The following SYTL2 variants were observed in gnomAD, a reference collection of about 807,000 sequenced individuals.
The protein encoded by SYTL2 is synaptotagmin-like protein 2.
SYTL2 carries 165 observed loss-of-function variants against 198.7 expected under a neutral mutation model. The ratio of observed to expected loss-of-function variants is 0.83; its 90% confidence interval spans 0.73 to 0.94. SYTL2 has a LOEUF of 0.94. Among genes scored for constraint, SYTL2 ranks in the 40% least tolerant of loss-of-function variants. The probability of loss-of-function intolerance (pLI) is 0.00; values close to 1 mark genes in which losing one functional copy is unlikely to be tolerated. For missense variants in SYTL2, 2,835 were observed against 2,582.8 expected, an observed-to-expected ratio of 1.10 and a Z score of -2.12; for synonymous variants, 966 against 917.7, an observed-to-expected ratio of 1.05 and a Z score of -0.95.
At chr11:85,817,862 CCT>C in the SYTL2 span, among the ~76,000 whole-genome samples, 2 of 151,170 alleles carry the variant, frequency 1.3e-5, no homozygotes, top group East Asian at 1.9e-4. Context: ...GTTTTTATCC[CCT>C]GTTTATTTTC....
At chr11:85,807,381 C>T (rs1247332930) in intron 1 of SYTL2, among the ~76,000 whole-genome samples, 1 of 152,184 alleles carries the variant, frequency 6.6e-6, no homozygotes, top group African/African-American at 2.4e-5. Flanking sequence ...GTTTTATTGC[C>T]TCTATGTTTA....
the SYTL2 span, among the ~76,000 whole-genome samples, chr11:85,841,169 A>G: frequency 6.6e-6 from 1 of 152,184 alleles, no homozygotes; most frequent in Non-Finnish European, 1.5e-5. Context: ...AAAGTCAAAA[A>G]ATAGATGCTA....
At chr11:85,722,868 G>A (rs1000058070) in intron 8 of SYTL2, among the ~76,000 whole-genome samples, 2 of 151,936 alleles carry the variant, frequency 1.3e-5, no homozygotes, top group African/African-American at 2.4e-5. Context: ...GATTAAAGGT[G>A]GATTCTTTGG....
At chr11:85,808,677 A>T (rs2092992388) in intron 1 of SYTL2, among the ~76,000 whole-genome samples, 1 of 152,176 alleles carries the variant, frequency 6.6e-6, no homozygotes, top group African/African-American at 2.4e-5. Flanking sequence ...TGAAGAAAAA[A>T]CTTTATATTT....
At chr11:85,728,714 G>T (rs2089496061) in intron 7 of SYTL2, among the ~76,000 whole-genome samples, 1 of 152,118 alleles carries the variant, frequency 6.6e-6, no homozygotes, top group African/African-American at 2.4e-5. Context: ...AAACCCTAGA[G>T]GGGGCTTAAA....
At chr11:85,834,384 C>T in the SYTL2 span, among the ~76,000 whole-genome samples, 1 of 152,062 alleles carries the variant, frequency 6.6e-6, no homozygotes, top group East Asian at 1.9e-4. Context: ...TCAAATCTGT[C>T]CATCCTTTTT....
intron 1 of SYTL2, among the ~76,000 whole-genome samples, chr11:85,788,775 TA>T (rs144242580): frequency 2.9e-4 from 42 of 146,604 alleles, no homozygotes; most frequent in African/African-American, 6.0e-4. Flanking sequence ...TCTATAATTA[TA>T]AAAAAAAAAG....
At chr11:85,769,395 G>A (rs1433398748) in intron 1 of SYTL2, among the ~76,000 whole-genome samples, 1 of 152,154 alleles carries the variant, frequency 6.6e-6, no homozygotes. Flanking sequence ...ATGGAGGAAG[G>A]GGCCATGAGC....
At chr11:85,730,709 C>G (rs1168464104) in intron 7 of SYTL2, among the ~76,000 whole-genome samples, 1 of 152,142 alleles carries the variant, frequency 6.6e-6, no homozygotes, top group Admixed American at 6.5e-5. Flanking sequence ...TCTCTCACCA[C>G]TCCTATTCAA....
chr11:85,698,082 C>T lies in SYTL2; in HGVS notation c.6269-4G>A. Reference sequence around the variant, plus strand: ...CCAGTTGTAGGAAGCTTTTTACCTACAATAGAAAAAGAAGAGAAAATTTTC... The same window carrying T: ...CCAGTTGTAGGAAGCTTTTTACCTATAATAGAAAAAGAAGAGAAAATTTTC... On this transcript the variant is annotated splice_polypyrimidine_tract_variant and splice_region_variant and intron_variant, in intron 17 of 19. Transcript: ENST00000359152. 1 of 1,607,578 alleles carries T rather than the reference C, an allele frequency of 6.2e-7. No individual in the cohort carries two copies. Among genetic ancestry groups the T allele is most frequent in the Non-Finnish European group, 8.5e-7 (1 of 1,175,214 alleles).
At chr11:85,770,991 TC>T (rs1470634218) in intron 1 of SYTL2, among the ~76,000 whole-genome samples, 1 of 152,240 alleles carries the variant, frequency 6.6e-6, no homozygotes, top group Non-Finnish European at 1.5e-5. Flanking sequence ...ATCATACCTA[TC>T]TTACTGAGTT....
At chr11:85,711,766 T>TA (rs1412604423) in intron 12 of SYTL2, among the ~76,000 whole-genome samples, 8 of 151,940 alleles carry the variant, frequency 5.3e-5, no homozygotes, top group Admixed American at 5.2e-4. Context: ...TATATATATA[T>TA]TTTTTAATGT....
rs932910026 is a variant in SYTL2 at position 85,695,540 on chromosome 11, C to A, written c.6575-200G>T. ...CATGTTTGTAATCATTACCATAATTCCTAGAGCAATGATTTTTCTTCAAGT... is the reference window on the plus strand; with the variant it reads ...CATGTTTGTAATCATTACCATAATTACTAGAGCAATGATTTTTCTTCAAGT... On this transcript the variant is annotated intron_variant, in intron 19 of 19. Transcript: ENST00000359152. Among the ~76,000 whole-genome samples, 3 of 152,098 alleles carry A rather than the reference C, an allele frequency of 2.0e-5. No individual in the cohort carries two copies. In the South Asian group the frequency reaches 6.2e-4, roughly 32 times the overall value.
chr11:85,837,734 G>A, the SYTL2 span, among the ~76,000 whole-genome samples: 5 of 152,088 alleles, frequency 3.3e-5, no homozygotes, highest in Non-Finnish European at 5.9e-5. Flanking sequence ...ATAATGACTA[G>A]TCCTCCCTCA....
the SYTL2 span, among the ~76,000 whole-genome samples, chr11:85,819,543 T>C: frequency 6.6e-6 from 1 of 152,248 alleles, no homozygotes; most frequent in Non-Finnish European, 1.5e-5. Flanking sequence ...GCTTTTCACA[T>C]GGCTGCTGGA....
At chr11:85,840,508 T>C in the SYTL2 span, among the ~76,000 whole-genome samples, 3 of 152,170 alleles carry the variant, frequency 2.0e-5, no homozygotes, top group Non-Finnish European at 4.4e-5. Context: ...CAAAACAGCA[T>C]GGTACTGGTA....
intron 16 of SYTL2, among the ~76,000 whole-genome samples, chr11:85,702,893 C>T (rs1295859772): frequency 1.3e-5 from 2 of 152,106 alleles, no homozygotes; most frequent in East Asian, 3.8e-4. Flanking sequence ...AATAACTTTG[C>T]ATGCTATATT....
Position 85,724,255 on chromosome 11 carries a change from A to T in SYTL2, c.5103T>A (p.Pro1701=). The T allele has an allele frequency of 6.4e-7, 1 of 1,564,404 alleles. No individual in the cohort carries two copies. Among genetic ancestry groups the T allele is most frequent in the Non-Finnish European group, 8.6e-7 (1 of 1,161,542 alleles). ...TTGCTTCAGAAGCCTCTCCAAAGCCAGGTTCCTGAAGAGTCCCTTGTCCCC... is the reference window on the plus strand; with the variant it reads ...TTGCTTCAGAAGCCTCTCCAAAGCCTGGTTCCTGAAGAGTCCCTTGTCCCC... ...VAGGQGTLQE[P]GFGEASEAIS... Residue 1701 remains proline, a synonymous_variant, in exon 8 of 20, where the codon CCT becomes CCA. Coordinates refer to ENST00000359152, the MANE Select transcript of SYTL2 (RefSeq NM_206927.4).
chr11:85,737,749 G>C (rs1224441425), intron 4 of SYTL2, 93 bp from the exon 5 acceptor site: 2 of 1,000,438 alleles, frequency 2.0e-6, no homozygotes, highest in Non-Finnish European at 3.1e-6. Flanking sequence ...AGCAGGCTAG[G>C]AGAGGAAGCT....
Sources: gnomAD v4.1 joint callset for allele counts (sites outside exome capture counted in the v4.1 genomes callset) on GRCh38, gnomAD v4.1.1 for gene constraint, MANE v1.5 for transcripts, NCBI Gene and HGNC (gene_info 2026-07-23, HGNC 2026-07-21) for gene names.